The following FAM83E variants were observed in gnomAD, a reference collection of about 807,000 sequenced individuals.
The protein encoded by FAM83E is scaffolding CK1 anchoring protein E, also known as protein FAM83E.
In FAM83E, 29 loss-of-function variants were observed where a neutral mutation model predicts 34.3. The ratio of observed to expected loss-of-function variants is 0.85; its 90% CI spans 0.63 to 1.15. The LOEUF is 1.15. Ranked by LOEUF, FAM83E falls within the 50% of genes most tolerant of loss-of-function variation. The probability of loss-of-function intolerance (pLI) is 0.00; values close to 1 mark genes in which losing one functional copy is unlikely to be tolerated. For missense variants in FAM83E, 697 were observed against 685.0 expected (o/e 1.02, Z -0.20); for synonymous variants, 312 against 311.6 (o/e 1.00, Z -0.01).
At chr19:48,604,004 C>T in intron 5 of FAM83E, 93 bp from the exon 6 acceptor site, 2 of 1,353,552 alleles carry the variant, frequency 1.5e-6, no homozygotes, top group Admixed American at 2.6e-5. Flanking sequence ...GACCGTAGGA[C>T]CTCAGGCGAG....
rs377380104 is a variant in FAM83E at position 48,609,859 on chromosome 19, C to T, written c.758+17G>A. ...GTATAGGACGCCGGGAGGTGGGGGG[C>T]GGGGCGGGGGCTACACCTGTAGGAT... On this transcript the variant is annotated intron_variant, in intron 5 of 6. Transcript: ENST00000263266. 1.3e-5 allele frequency: 20 copies of T among 1,491,540 alleles called. No individual in the cohort carries two copies. Among genetic ancestry groups the T allele is most frequent in the Middle Eastern group, 1.9e-4 (1 of 5,302 alleles). 92.4% of individuals were successfully genotyped at this position (1,491,540 alleles called of 1,614,324 possible). A position where few individuals can be genotyped will look rare whatever the true frequency, so the allele number is the denominator to read the frequency against.
In FAM83E at chr19:48,603,547, A is replaced by G; in HGVS notation, c.1123T>C (p.Trp375Arg). Residue 375 changes from tryptophan to arginine, a missense_variant, in exon 6 of 7, where the codon TGG (tryptophan) becomes CGG (arginine). Coordinates refer to ENST00000263266, the MANE Select transcript of FAM83E (RefSeq NM_017708.4). The stretch of plus-strand genomic sequence containing the variant: ...AGCTGGGACAGGCGGCTTAGGTCCC[A>G]CATGGAGCGGCTGGGCCGGGCCGGG... ...GPPARPSRSMWDLSRLSQLSG... is the reference protein window; with the variant it reads ...GPPARPSRSMRDLSRLSQLSG... 1 of 1,567,634 alleles carries G rather than the reference A, an allele frequency of 6.4e-7. No individual in the cohort carries two copies. The highest frequency in any genetic ancestry group is 8.6e-7 in the Non-Finnish European group (1 of 1,164,874).
chr19:48,613,034 C>T lies in FAM83E; in HGVS notation c.339G>A (p.Arg113=). The T allele has an allele frequency of 6.2e-7, 1 of 1,603,140 alleles. No homozygotes were observed. Among genetic ancestry groups the T allele is most frequent in the Non-Finnish European group, 8.5e-7 (1 of 1,175,994 alleles). ...GQSEQPAPVL[R]LGWPVDSAWK... The stretch of plus-strand genomic sequence containing the variant: ...ACGCAGAGTCCACTGGCCAGCCCAG[C>T]CGCAGGACGGGCGCCGGCTGCTCCG... Residue 113 remains arginine (R), a synonymous_variant, in exon 3 of 7, where the codon CGG becomes CGA. Transcript: ENST00000263266.
chr19:48,601,727 C>T lies in FAM83E; in HGVS notation c.1177-358G>A, dbSNP rs183369019. ...TTGCAGTGAGCTGAGATAGCGCCACCGCACTCCAGCCTGGGCATCAGAACA... is the reference window on the plus strand; with the variant it reads ...TTGCAGTGAGCTGAGATAGCGCCACTGCACTCCAGCCTGGGCATCAGAACA... On this transcript the variant is annotated intron_variant, in intron 6 of 6. Coordinates refer to ENST00000263266, the MANE Select transcript of FAM83E (RefSeq NM_017708.4). 2.2e-3 allele frequency among the ~76,000 whole-genome samples: 333 copies of T among 150,206 alleles called. 2 individuals are homozygous for T. The highest frequency in any genetic ancestry group is 7.8e-3 in the African/African-American group (317 of 40,828).
intron 6 of FAM83E, among the ~76,000 whole-genome samples, chr19:48,602,700 AAAAAAT>A (rs1214253259): frequency 2.3e-5 from 1 of 43,942 alleles, no homozygotes; most frequent in Admixed American, 2.6e-4. Flanking sequence ...AAAAAAAAAA[AAAAAAT>A]ATATATATAT....
rs1974104972 is a variant in FAM83E, at chr19:48,614,335, G to GCCTGGCCCTGGGA, written c.-976_-964dup. 1.3e-5 allele frequency: 13 copies of GCCTGGCCCTGGGA among 985,532 alleles called. No individual in the cohort carries two copies. Among genetic ancestry groups the GCCTGGCCCTGGGA allele is most frequent in the Non-Finnish European group, 1.6e-5 (13 of 830,112 alleles). 61.0% of individuals were successfully genotyped at this position (985,532 alleles called of 1,614,324 possible). A position where few individuals can be genotyped will look rare whatever the true frequency, so the allele number is the denominator to read the frequency against. ...CTCAGGCTGGCTGCCCCTGCCTGGG[G>GCCTGGCCCTGGGA]CCTGGCCCTGGGACCTGTTCCAGGC... On this transcript the variant is annotated 5_prime_UTR_variant, in exon 3 of 7. Coordinates refer to ENST00000263266, the MANE Select transcript of FAM83E (RefSeq NM_017708.4).
intron 5 of FAM83E, among the ~76,000 whole-genome samples, chr19:48,608,804 G>A (rs1351956430): frequency 7.5e-6 from 1 of 132,572 alleles, no homozygotes; most frequent in Non-Finnish European, 1.6e-5. Flanking sequence ...AGGGTTGAAA[G>A]CCACTGTTCC....
intron 4 of FAM83E, among the ~76,000 whole-genome samples, chr19:48,610,466 C>T (rs543907516): frequency 6.6e-6 from 1 of 150,552 alleles, no homozygotes; most frequent in South Asian, 2.1e-4. Context: ...TGATATCAAC[C>T]CTCAGGCGTT....
chr19:48,606,579 G>A (rs1192042670), intron 5 of FAM83E, among the ~76,000 whole-genome samples: 1 of 152,190 alleles, frequency 6.6e-6, no homozygotes, highest in Non-Finnish European at 1.5e-5. Context: ...AGCGTCCTCT[G>A]GGTTCAGGGC....
At position 48,603,543 on chromosome 19, in the gene FAM83E, TC is replaced by T; in HGVS notation, c.1126del (p.Asp376ThrfsTer2). On this transcript the variant is annotated frameshift_variant, in exon 6 of 7. Transcript: ENST00000263266. LOFTEE classifies it low-confidence loss of function (END_TRUNC). The stretch of plus-strand genomic sequence containing the variant: ...AGACAGCTGGGACAGGCGGCTTAGG[TC>T]CCACATGGAGCGGCTGGGCCGGGCC... ...PPARPSRSMW[D>X]LSRLSQLSGS... 1 of 1,568,032 alleles carries T rather than the reference TC, an allele frequency of 6.4e-7. No homozygotes were observed. The highest frequency in any genetic ancestry group is 1.1e-5 in the South Asian group (1 of 89,038).
In FAM83E at chr19:48,601,134, C is replaced by CGGGG; in HGVS notation, c.1408_1411dup (p.Arg471ProfsTer79). On this transcript the variant is annotated frameshift_variant, in exon 7 of 7. Coordinates refer to ENST00000263266, the MANE Select transcript of FAM83E (RefSeq NM_017708.4). LOFTEE classifies it high-confidence loss of function. ...TCAGGGTTGCCCCCCAAGTCCTGCC[C>CGGGG]GGGGGGCCCAGTCTGACGGCCTGAC... 1 of 1,612,508 alleles carries CGGGG rather than the reference C, an allele frequency of 6.2e-7. No homozygotes were observed. Among genetic ancestry groups the CGGGG allele is most frequent in the Non-Finnish European group, 8.5e-7 (1 of 1,179,620 alleles).
Position 48,600,194 on chromosome 19 carries a change from G to A in FAM83E, c.*915C>T, listed in dbSNP as rs1266990973. 5.9e-4 allele frequency among the ~76,000 whole-genome samples: 90 copies of A among 152,176 alleles called. No homozygotes were observed. The highest frequency in any genetic ancestry group is 1.2e-4 in the Non-Finnish European group (8 of 68,038). On this transcript the variant is annotated 3_prime_UTR_variant, in exon 7 of 7. Transcript: ENST00000263266. Reference sequence around the variant, plus strand: ...CCACAGCTCTAGCAGCTCTAGCTCGGGGCCTCACCCGGGCCCCTCATCAGG... The same window carrying A: ...CCACAGCTCTAGCAGCTCTAGCTCGAGGCCTCACCCGGGCCCCTCATCAGG...
rs1974101706 is a variant in FAM83E at position 48,614,163 on chromosome 19, G to A, written c.-791C>T. 9 of 984,056 alleles carry A rather than the reference G, an allele frequency of 9.1e-6. No individual in the cohort carries two copies. The highest frequency in any genetic ancestry group is 1.1e-5 in the Non-Finnish European group (9 of 828,750). 61.0% of individuals were successfully genotyped at this position (984,056 alleles called of 1,614,324 possible). A position where few individuals can be genotyped will look rare whatever the true frequency, so the allele number is the denominator to read the frequency against. ...AACCCTTCCCTACCCTGTCAATGGG[G>A]GACCCTGCTCCCTGGACCCTCCTCA... On this transcript the variant is annotated 5_prime_UTR_variant, in exon 3 of 7. Coordinates refer to ENST00000263266, the MANE Select transcript of FAM83E (RefSeq NM_017708.4).
At chr19:48,610,940 G>A (rs548053812) in intron 3 of FAM83E, 93 bp from the exon 4 acceptor site, 5 of 1,315,862 alleles carry the variant, frequency 3.8e-6, no homozygotes, top group African/African-American at 1.5e-5. Context: ...TGGAATCTGG[G>A]AGTAAAGTGC....
intron 3 of FAM83E, among the ~76,000 whole-genome samples, chr19:48,612,539 G>C (rs1477609376): frequency 1.3e-5 from 2 of 151,972 alleles, no homozygotes; most frequent in East Asian, 3.9e-4. Context: ...CGAGTAGCTG[G>C]GACTACAGGC....
chr19:48,601,416 C>T (rs1973813576), intron 6 of FAM83E, 47 bp from the exon 7 acceptor site: 2 of 1,543,530 alleles, frequency 1.3e-6, no homozygotes, highest in Non-Finnish European at 8.7e-7. Flanking sequence ...GGGTGGGGCC[C>T]TGGGGGCATC....
intron 6 of FAM83E, among the ~76,000 whole-genome samples, chr19:48,601,876 G>A (rs1017900820): frequency 5.3e-5 from 8 of 151,492 alleles, no homozygotes; most frequent in Non-Finnish European, 7.4e-5. Context: ...GGCCGGACGC[G>A]GTGGCTCACA....
Position 48,603,556 on chromosome 19 carries a change from G to C in FAM83E, c.1114C>G (p.Arg372Gly). ...AGGCGGCTTAGGTCCCACATGGAGC[G>C]GCTGGGCCGGGCCGGGGGGCCGCTG... ...TPSGPPARPS[R>G]SMWDLSRLSQ... Residue 372 changes from arginine to glycine, a missense_variant, in exon 6 of 7, where the codon CGC becomes GGC. Arg to Gly is a moderately radical substitution (Grantham distance 125). Coordinates refer to ENST00000263266, the MANE Select transcript of FAM83E (RefSeq NM_017708.4). 1 of 1,562,618 alleles carries C rather than the reference G, an allele frequency of 6.4e-7. No individual in the cohort carries two copies. Among genetic ancestry groups the C allele is most frequent in the Non-Finnish European group, 8.6e-7 (1 of 1,162,800 alleles).
chr19:48,601,844 A>G (rs1331630876), intron 6 of FAM83E, among the ~76,000 whole-genome samples: 1 of 149,020 alleles, frequency 6.7e-6, no homozygotes, highest in African/African-American at 2.5e-5. Context: ...GGAAGAGAGG[A>G]GAGAGGGAGG....
Sources: gnomAD v4.1 joint callset for allele counts (sites outside exome capture counted in the v4.1 genomes callset) on GRCh38, gnomAD v4.1.1 for gene constraint, MANE v1.5 for transcripts, NCBI Gene and HGNC (gene_info 2026-07-23, HGNC 2026-07-21) for gene names.